The following GRHL2 variants were observed in gnomAD, a reference collection of about 807,000 sequenced individuals.
GRHL2 encodes the protein grainyhead-like protein 2 homolog.
Under a neutral mutation model 83.8 loss-of-function variants are expected in GRHL2, and 21 were observed. That is an observed-to-expected ratio of 0.25 (90% CI 0.18 to 0.36). GRHL2 has a LOEUF of 0.36. GRHL2 is among the 10% of genes least tolerant of loss of function. The pLI, the probability that GRHL2 is intolerant of heterozygous loss-of-function variation, is 1.00. For missense variants in GRHL2, 623 were observed against 781.8 expected (o/e 0.80, Z 2.42); for synonymous variants, 280 against 278.9 (o/e 1.00, Z -0.04).
chr8:101,502,317 G>A (rs752417281), intron 1 of GRHL2, among the ~76,000 whole-genome samples: 1 of 152,108 alleles, frequency 6.6e-6, no homozygotes. Context: ...TCACAGCAGG[G>A]GCCATGAACA....
At chr8:101,520,250 G>C (rs1330606053) in intron 1 of GRHL2, among the ~76,000 whole-genome samples, 2 of 152,168 alleles carry the variant, frequency 1.3e-5, no homozygotes, top group African/African-American at 4.8e-5. Context: ...CAACTTTGGA[G>C]GAGATTATAG....
downstream of GRHL2, among the ~76,000 whole-genome samples, chr8:101,670,344 C>A (rs530159291): frequency 6.6e-6 from 1 of 152,212 alleles, no homozygotes; most frequent in Non-Finnish European, 1.5e-5. Context: ...TTTCTACATT[C>A]TTCTACATCT....
At chr8:101,635,980 C>A (rs140093512) in intron 11 of GRHL2, among the ~76,000 whole-genome samples, 1 of 152,234 alleles carries the variant, frequency 6.6e-6, no homozygotes, top group African/African-American at 2.4e-5. Flanking sequence ...GGGGCAGGGA[C>A]AGTGACTAAT....
rs34202494 is a variant in GRHL2, at chr8:101,662,860, C to CATATATATATAT, written c.1699-1585_1699-1584insTATATATATATA. Among the ~76,000 whole-genome samples the CATATATATATAT allele has an allele frequency of 7.1e-3, 1,042 of 146,152 alleles. 19 individuals are homozygous for CATATATATATAT. Among genetic ancestry groups the CATATATATATAT allele is most frequent in the African/African-American group, 0.023 (895 of 39,058 alleles). On this transcript the variant is annotated intron_variant, in intron 14 of 15. Transcript: ENST00000646743. The stretch of plus-strand genomic sequence containing the variant: ...CCTTCAAATATTCTCTATGTACTTA[C>CATATATATATAT]ATATATATACATATATATATTTAAA...
intron 2 of GRHL2, among the ~76,000 whole-genome samples, chr8:101,547,788 G>A (rs1461090865): frequency 6.6e-6 from 1 of 152,124 alleles, no homozygotes; most frequent in Non-Finnish European, 1.5e-5. Context: ...ATAAAGTGGT[G>A]TTTATTTTTT....
intron 1 of GRHL2, among the ~76,000 whole-genome samples, chr8:101,507,024 C>T (rs148021870): frequency 6.6e-6 from 1 of 152,308 alleles, no homozygotes; most frequent in African/African-American, 2.4e-5. Context: ...CAGCTGTGCT[C>T]CCCTCTGGCG....
chr8:101,535,535 C>T (rs1471964693), intron 1 of GRHL2, among the ~76,000 whole-genome samples: 1 of 151,902 alleles, frequency 6.6e-6, no homozygotes, highest in African/African-American at 2.4e-5. Context: ...TCCTTTTTCT[C>T]TTTCTTCTTT....
chr8:101,671,873 G>C (rs1409916746), downstream of GRHL2, among the ~76,000 whole-genome samples: 3 of 152,152 alleles, frequency 2.0e-5, no homozygotes, highest in Admixed American at 1.3e-4. Context: ...AGCACTTGCA[G>C]TTCACCAATA....
In GRHL2 at chr8:101,631,634, C is replaced by T. The variant is rs1813187932; in HGVS notation, c.1258-3C>T. On this transcript the variant is annotated splice_polypyrimidine_tract_variant and splice_region_variant and intron_variant, in intron 9 of 15. Transcript: ENST00000646743. ...TTTTCTGTATTTGTTTTTTTCCTAT[C>T]AGGGAGCAGAAAGAAAAATCCGAGA... The T allele has an allele frequency of 5.6e-6, 9 of 1,612,290 alleles. No homozygotes were observed. Among genetic ancestry groups the T allele is most frequent in the African/African-American group, 1.3e-5 (1 of 74,926 alleles).
At chr8:101,565,303 A>T (rs1437046363) in intron 4 of GRHL2, among the ~76,000 whole-genome samples, 1 of 152,232 alleles carries the variant, frequency 6.6e-6, no homozygotes. Context: ...TTTTATCAAA[A>T]ATCATATAGA....
At chr8:101,584,962 G>C (rs139752185) in intron 7 of GRHL2, among the ~76,000 whole-genome samples, 1,921 of 152,082 alleles carry the variant, frequency 0.013, 16 homozygotes, top group Middle Eastern at 0.058. Context: ...TGGTCAGTTG[G>C]CCAGGTAGCC....
At chr8:101,544,795 G>T (rs1374776746) in intron 2 of GRHL2, among the ~76,000 whole-genome samples, 1 of 152,078 alleles carries the variant, frequency 6.6e-6, no homozygotes, top group East Asian at 1.9e-4. Context: ...GTAACCTTTG[G>T]TCTTGCTTCC....
chr8:101,620,978 A>AT (rs1464547771), intron 9 of GRHL2, among the ~76,000 whole-genome samples: 2 of 152,170 alleles, frequency 1.3e-5, no homozygotes, highest in African/African-American at 2.4e-5. Flanking sequence ...TGAAAAAAAA[A>AT]GGTGAAAAGG....
chr8:101,670,978 C>T (rs2129801029), downstream of GRHL2, among the ~76,000 whole-genome samples: 1 of 152,240 alleles, frequency 6.6e-6, no homozygotes, highest in Non-Finnish European at 1.5e-5. Flanking sequence ...ATAGTGGGGC[C>T]TCTGATCAGC....
At chr8:101,566,005 A>G (rs1458221025) in intron 4 of GRHL2, among the ~76,000 whole-genome samples, 3 of 152,190 alleles carry the variant, frequency 2.0e-5, no homozygotes, top group Non-Finnish European at 2.9e-5. Flanking sequence ...TCTAAACCCT[A>G]TCCAACTTAA....
At chr8:101,671,867 C>T (rs1029389957), downstream of GRHL2, among the ~76,000 whole-genome samples, 2 of 152,150 alleles carry the variant, frequency 1.3e-5, no homozygotes, top group African/African-American at 2.4e-5. Flanking sequence ...CGCAGCAGCA[C>T]TTGCAGTTCA....
At chr8:101,528,145 A>G (rs991196621) in intron 1 of GRHL2, among the ~76,000 whole-genome samples, 2 of 151,682 alleles carry the variant, frequency 1.3e-5, no homozygotes, top group African/African-American at 4.8e-5. Flanking sequence ...CATCCTCTTC[A>G]CTGCTTTCTT....
chr8:101,634,805 C>T (rs937552244), intron 11 of GRHL2, among the ~76,000 whole-genome samples: 3 of 152,128 alleles, frequency 2.0e-5, no homozygotes, highest in African/African-American at 7.2e-5. Context: ...CACTGATGAT[C>T]TCATTGATTC....
intron 1 of GRHL2, among the ~76,000 whole-genome samples, chr8:101,524,678 G>A (rs941179980): frequency 6.6e-5 from 10 of 151,878 alleles, no homozygotes; most frequent in Non-Finnish European, 1.0e-4. Context: ...CTATGTTGTG[G>A]TCAGAGAATT....
Sources: allele counts gnomAD v4.1 joint callset (sites outside exome capture counted in the v4.1 genomes callset), GRCh38; gene constraint gnomAD v4.1.1; transcripts MANE v1.5; gene names NCBI Gene and HGNC (gene_info 2026-07-23, HGNC 2026-07-21).